The following SARDH variants were observed in gnomAD, a reference collection of about 807,000 sequenced individuals.
The protein encoded by SARDH is sarcosine dehydrogenase, mitochondrial.
A neutral mutation model predicts 109.1 loss-of-function variants in SARDH; 95 were observed. That is an observed-to-expected ratio of 0.87 (90% confidence interval 0.74 to 1.03). The LOEUF (loss-of-function observed/expected upper bound fraction) is 1.03, where lower values mean the gene tolerates loss of function less well. SARDH is among the 50% of genes least tolerant of loss of function. The pLI is 0.00. For synonymous variants in SARDH, 572 were observed against 534.8 expected (o/e 1.07, Z -0.96); for missense variants, 1,267 against 1,287.8 (o/e 0.98, Z 0.25).
rs549994517 is a variant in SARDH at position 133,728,478 on chromosome 9, G to A, written c.915+1287C>T. Among the ~76,000 whole-genome samples, 17 of 152,254 alleles carry A rather than the reference G, an allele frequency of 1.1e-4. No homozygotes were observed. The highest frequency in any genetic ancestry group is 3.1e-4 in the African/African-American group (13 of 41,542). On this transcript the variant is annotated intron_variant, in intron 6 of 20. Transcript: ENST00000439388. This position sits in a 1 kb window ranked among gnomAD's most constrained non-coding sequence, Gnocchi z 5.0. ...AGCCTCTGGCCCTGGCTCTCTGAACGGCCATGCTCTGTGCACGCTCCTTGT... is the reference window on the plus strand; with the variant it reads ...AGCCTCTGGCCCTGGCTCTCTGAACAGCCATGCTCTGTGCACGCTCCTTGT...
chr9:133,677,782 G>A (rs1378559741), intron 17 of SARDH, among the ~76,000 whole-genome samples: 2 of 152,212 alleles, frequency 1.3e-5, no homozygotes, highest in Non-Finnish European at 2.9e-5. Context: ...CCAGCCAGTT[G>A]GCCTGGACAA....
intron 20 of SARDH, among the ~76,000 whole-genome samples, chr9:133,664,687 G>A (rs1830001061): frequency 6.6e-6 from 1 of 152,218 alleles, no homozygotes; most frequent in African/African-American, 2.4e-5. Context: ...GGAGTCTCGG[G>A]CTCCGCTCTG....
intron 8 of SARDH, among the ~76,000 whole-genome samples, chr9:133,714,893 A>G (rs1207471565): frequency 6.6e-6 from 1 of 152,102 alleles, no homozygotes; most frequent in East Asian, 1.9e-4. Context: ...GCTCTGAACA[A>G]CCTCACAGGG....
chr9:133,696,413 T>G (rs1376415710), intron 13 of SARDH, 52 bp from the exon 14 acceptor site: 1 of 1,612,290 alleles, frequency 6.2e-7, no homozygotes, highest in Admixed American at 1.7e-5. Context: ...GGGGTGTGCT[T>G]CTTCCTCAAG....
rs974089188 is a variant in SARDH, at chr9:133,684,745, C to T, written c.2163+448G>A. Among the ~76,000 whole-genome samples, 5 of 152,328 alleles carry T rather than the reference C, an allele frequency of 3.3e-5. No individual in the cohort carries two copies. In the East Asian group the frequency reaches 7.7e-4, roughly 24 times the overall value. On this transcript the variant is annotated intron_variant, in intron 17 of 20. Transcript: ENST00000439388. ...TGGCTGTGCTCCCACCCCAGCAGCC[C>T]CTCCTCCCACGCCCACAATGGCAGC...
intron 6 of SARDH, among the ~76,000 whole-genome samples, chr9:133,720,184 T>C (rs998472129): frequency 1.3e-5 from 2 of 152,040 alleles, no homozygotes; most frequent in African/African-American, 4.8e-5. Context: ...CCCAGCACTT[T>C]GGGAGGCCGA....
chr9:133,710,210 C>T (rs549812690), intron 10 of SARDH, among the ~76,000 whole-genome samples: 40 of 152,342 alleles, frequency 2.6e-4, no homozygotes, highest in Non-Finnish European at 4.4e-4. Flanking sequence ...GCCTCGAGTG[C>T]GCTCCAAGAG....
At chr9:133,715,479 C>T (rs973135729) in intron 8 of SARDH, among the ~76,000 whole-genome samples, 1 of 152,162 alleles carries the variant, frequency 6.6e-6, no homozygotes, top group African/African-American at 2.4e-5. Context: ...GCTGCCCCGG[C>T]CCCTGGGGCT....
chr9:133,677,331 A>G (rs137934564), intron 17 of SARDH, among the ~76,000 whole-genome samples: 155 of 152,236 alleles, frequency 1.0e-3, no homozygotes, highest in African/African-American at 3.6e-3. Context: ...ACCCAGACAG[A>G]GCTTATTACG....
At chr9:133,729,677 G>T in intron 6 of SARDH, 88 bp downstream of exon 6, 2 of 1,183,264 alleles carry the variant, frequency 1.7e-6, no homozygotes, top group East Asian at 2.4e-5. Context: ...ACCCACAAGG[G>T]TCACACCACC....
chr9:133,707,666 C>T (rs1831741576), intron 11 of SARDH, among the ~76,000 whole-genome samples: 1 of 152,182 alleles, frequency 6.6e-6, no homozygotes, highest in African/African-American at 2.4e-5. Flanking sequence ...TAGGACATAG[C>T]CCCTGTTCCC....
intron 2 of SARDH, among the ~76,000 whole-genome samples, chr9:133,733,385 C>T (rs766718006): frequency 3.9e-5 from 6 of 152,208 alleles, no homozygotes; most frequent in African/African-American, 7.2e-5. Flanking sequence ...CTGGGACATG[C>T]ACACCATAGG....
intron 19 of SARDH, among the ~76,000 whole-genome samples, chr9:133,667,732 G>A (rs923567191): frequency 6.6e-6 from 1 of 152,164 alleles, no homozygotes; most frequent in African/African-American, 2.4e-5. Flanking sequence ...TGATGTTGAG[G>A]GCACCTCCTG....
At chr9:133,671,783 T>G in intron 17 of SARDH, 86 bp from the exon 18 acceptor site, 8 of 1,433,654 alleles carry the variant, frequency 5.6e-6, no homozygotes, top group Non-Finnish European at 7.5e-6. Flanking sequence ...TGGCAGCTCC[T>G]ACTGTCACCA....
At chr9:133,667,029 C>A in intron 19 of SARDH, 159 bp from the exon 20 acceptor site, 1 of 903,364 alleles carries the variant, frequency 1.1e-6, no homozygotes, top group South Asian at 1.5e-5. Context: ...TCCCCAGAGC[C>A]AGCCCAGCAC....
In SARDH at chr9:133,663,678, T is replaced by G. The variant is rs1829957466; in HGVS notation, c.*211A>C. On this transcript the variant is annotated 3_prime_UTR_variant, in exon 21 of 21. Transcript: ENST00000439388. ...GGTTTGCTTTCTGGGAGGATTGGGG[T>G]GGATTAGAGACTGCCTTCCAGTCAG... 1.6e-6 allele frequency: 1 copy of G among 625,710 alleles called. No individual in the cohort carries two copies. The highest frequency in any genetic ancestry group is 2.8e-6 in the Non-Finnish European group (1 of 361,238). 38.8% of individuals were successfully genotyped at this position (625,710 alleles called of 1,614,324 possible).
intron 10 of SARDH, among the ~76,000 whole-genome samples, chr9:133,711,852 C>T (rs1044998224): frequency 2.0e-5 from 3 of 152,148 alleles, no homozygotes; most frequent in Non-Finnish European, 1.5e-5. Context: ...GGGAGTGGCC[C>T]GGGCCACAGG....
In SARDH at chr9:133,693,508, C is replaced by A. The variant is rs895811022; in HGVS notation, c.1921+750G>T. On this transcript the variant is annotated intron_variant, in intron 15 of 20. Transcript: ENST00000439388. This position sits in a 1 kb window ranked among gnomAD's most constrained non-coding sequence, Gnocchi z 5.6. ...CCCGGGGACAGCACAGAGAGCTGCA[C>A]GGTCAGCACCTTCCCCTGTGCAGGT... Among the ~76,000 whole-genome samples the A allele has an allele frequency of 2.6e-5, 4 of 152,230 alleles. No individual in the cohort carries two copies. The highest frequency in any genetic ancestry group is 5.9e-5 in the Non-Finnish European group (4 of 68,038).
At chr9:133,667,895 G>C (rs1445269030) in intron 19 of SARDH, among the ~76,000 whole-genome samples, 1 of 152,156 alleles carries the variant, frequency 6.6e-6, no homozygotes, top group Non-Finnish European at 1.5e-5. Flanking sequence ...TCCCAGAGCA[G>C]TGTGGCAGGG....
Sources: allele counts gnomAD v4.1 joint callset (sites outside exome capture counted in the v4.1 genomes callset), GRCh38; gene constraint gnomAD v4.1.1; non-coding constraint Gnocchi (gnomAD v3.1); transcripts MANE v1.5; gene names NCBI Gene and HGNC (gene_info 2026-07-23, HGNC 2026-07-21).